Variants in ANKRD53 observed in about 807,000 individuals in gnomAD.
ANKRD53 encodes the protein ankyrin repeat domain 53.
ANKRD53 carries 27 observed loss-of-function variants against 30.1 expected under a neutral mutation model. That is an observed-to-expected ratio of 0.90 (90% CI 0.66 to 1.24). ANKRD53 has a LOEUF of 1.24. Ranked by LOEUF, ANKRD53 falls within the 50% of genes most tolerant of loss-of-function variation. ANKRD53 has a pLI of 0.00. For missense variants in ANKRD53, 682 were observed against 721.0 expected (o/e 0.95, Z 0.62); for synonymous variants, 286 against 295.4 (o/e 0.97, Z 0.33).
chr2:70,979,910 C>T, intron 3 of ANKRD53, 50 bp downstream of exon 3: 1 of 1,605,972 alleles, frequency 6.2e-7, no homozygotes, highest in Non-Finnish European at 8.5e-7. Flanking sequence ...GGCACGGGCA[C>T]AGCCCTACTT....
chr2:70,985,012 G>T lies in ANKRD53; in HGVS notation c.1305G>T (p.Arg435=). 1 of 1,549,020 alleles carries T rather than the reference G, an allele frequency of 6.5e-7. No individual in the cohort carries two copies. Among genetic ancestry groups the T allele is most frequent in the South Asian group, 1.2e-5 (1 of 83,960 alleles). ...GGCCTGATGGGCACGGCGGTGCGCG[G>T]CTGCACACAGTGGACGGCCACTGGG... ...EVRPDGHGGA[R]LHTVDGHWVA... is the part of the protein sequence containing the mutation. The change falls in exon 6 of 6, where the codon CGG becomes CGT. Residue 435 remains arginine, a synonymous_variant. Transcript: ENST00000360589.
At chr2:70,980,748 A>G (rs1264746937) in intron 3 of ANKRD53, among the ~76,000 whole-genome samples, 1 of 152,118 alleles carries the variant, frequency 6.6e-6, no homozygotes, top group African/African-American at 2.4e-5. Context: ...GATCAAGAAC[A>G]TCCTGGCTAA....
In ANKRD53 at chr2:70,979,648, C is replaced by G; in HGVS notation, c.418-13C>G. ...CCCACTCAGCCTCCTCCTGCCTGCT[C>G]TGAACCTCACAGGGCTTCACTGCCA... is the stretch of plus-strand genomic sequence containing the variant. On this transcript the variant is annotated splice_polypyrimidine_tract_variant and intron_variant, in intron 2 of 5. Transcript: ENST00000360589. The G allele has an allele frequency of 6.2e-7, 1 of 1,611,358 alleles. No individual in the cohort carries two copies. Among genetic ancestry groups the G allele is most frequent in the Non-Finnish European group, 8.5e-7 (1 of 1,178,734 alleles).
rs782234493 is a variant in ANKRD53 at position 70,979,762 on chromosome 2, T to C, written c.519T>C (p.Asn173=). The C allele has an allele frequency of 1.9e-6, 3 of 1,614,130 alleles. No homozygotes were observed. The highest frequency in any genetic ancestry group is 2.5e-6 in the Non-Finnish European group (3 of 1,180,026). The part of the protein sequence containing the change: ...YKFPVDLLTN[N]SQTPLHLVIH... Reference sequence around the variant, plus strand: ...TTCCCGTGGACCTGCTGACCAACAATAGCCAGACACCCCTGCACCTCGTCA... The same window carrying C: ...TTCCCGTGGACCTGCTGACCAACAACAGCCAGACACCCCTGCACCTCGTCA... Residue 173 remains asparagine (N), a synonymous_variant, in exon 3 of 6, where the codon AAT becomes AAC. Transcript: ENST00000360589.
At position 70,984,976 on chromosome 2, in the gene ANKRD53, C is replaced by T. The variant is rs1010860983; in HGVS notation, c.1269C>T (p.Phe423=). ...DPTPEHDFSS[F]LEVRPDGHGG... ...CTCCGGAGCACGACTTCAGCAGCTT[C>T]CTGGAGGTGAGGCCTGATGGGCACG... is the stretch of plus-strand genomic sequence containing the variant. Residue 423 remains phenylalanine (F), a synonymous_variant, in exon 6 of 6, where the codon TTC becomes TTT. Transcript: ENST00000360589. The T allele has an allele frequency of 4.5e-6, 7 of 1,550,052 alleles. No individual in the cohort carries two copies. The highest frequency in any genetic ancestry group is 3.3e-4 in the Middle Eastern group (2 of 5,990).
Position 70,978,961 on chromosome 2 carries a change from C to G in ANKRD53, c.171-136C>G, listed in dbSNP as rs1669911204. 2 of 1,441,154 alleles carry G rather than the reference C, an allele frequency of 1.4e-6. No homozygotes were observed. Among genetic ancestry groups the G allele is most frequent in the East Asian group, 2.6e-5 (1 of 39,106 alleles). 89.3% of individuals were successfully genotyped at this position (1,441,154 alleles called of 1,614,324 possible). On this transcript the variant is annotated intron_variant, in intron 1 of 5. Transcript: ENST00000360589. The surrounding 1 kb of genome is among the most constrained non-coding windows in gnomAD (Gnocchi z 4.3). Reference sequence around the variant, plus strand: ...CAGGCTGGGGCCAGGGATCGCCTCCCGAGAGGTGCCTAGGCCGTGGCCCAG... The same window carrying G: ...CAGGCTGGGGCCAGGGATCGCCTCCGGAGAGGTGCCTAGGCCGTGGCCCAG...
intron 2 of ANKRD53, 48 bp downstream of exon 2, chr2:70,979,391 C>G (rs1217834187): frequency 1.2e-6 from 2 of 1,609,112 alleles, no homozygotes; most frequent in South Asian, 1.1e-5. Context: ...TCTCCCGCTA[C>G]GCTGCTCGGA....
chr2:70,981,810 G>A, intron 3 of ANKRD53, 126 bp from the exon 4 acceptor site: 1 of 1,058,978 alleles, frequency 9.4e-7, no homozygotes, highest in Non-Finnish European at 1.3e-6. Flanking sequence ...GACAGACATA[G>A]CTAGGATCAC....
At chr2:70,984,309 CA>C (rs1237220768) in intron 5 of ANKRD53, 6 of 1,613,350 alleles carry the variant, frequency 3.7e-6, no homozygotes, top group Non-Finnish European at 5.1e-6. Context: ...GTTGGAGTCT[CA>C]CCTAGGGCAG....
In ANKRD53 at chr2:70,982,702, GGGGGACAGCAGGGGGGCCA is replaced by G. The variant is rs782456805; in HGVS notation, c.903+15_903+33del. 31 of 1,613,632 alleles carry G rather than the reference GGGGGACAGCAGGGGGGCCA, an allele frequency of 1.9e-5. No homozygotes were observed. In the African/African-American group the frequency reaches 3.3e-4, roughly 17 times the overall value. ...AACTACCTGATTGAGTATCAAGTAA[GGGGGACAGCAGGGGGGCCA>G]GGGGACAGCTGCTATCCAGGCATGT... On this transcript the variant is annotated splice_donor_region_variant and intron_variant, in intron 5 of 5. Transcript: ENST00000360589. This position sits in a 1 kb window ranked among gnomAD's most constrained non-coding sequence, Gnocchi z 4.2.
intron 3 of ANKRD53, among the ~76,000 whole-genome samples, 165 bp from the exon 4 acceptor site, chr2:70,981,771 A>G (rs1232795905): frequency 6.6e-6 from 1 of 152,156 alleles, no homozygotes; most frequent in African/African-American, 2.4e-5. Context: ...TCCTCCCTTT[A>G]CAGTAAAGGA....
intron 3 of ANKRD53, among the ~76,000 whole-genome samples, chr2:70,980,358 T>C (rs1553423394): frequency 6.8e-6 from 1 of 148,116 alleles, no homozygotes. Context: ...TTAACAGACC[T>C]AGTCTACATC....
In ANKRD53 at chr2:70,982,193, G is replaced by A; in HGVS notation, c.782+93G>A. The A allele has an allele frequency of 7.0e-7, 1 of 1,418,790 alleles. No individual in the cohort carries two copies. Among genetic ancestry groups the A allele is most frequent in the South Asian group, 1.5e-5 (1 of 68,738 alleles). 87.9% of individuals were successfully genotyped at this position (1,418,790 alleles called of 1,614,324 possible). ...CCTCACCACAGCTGAGCCTTTAAGGGGAGGGTTGGGAAGCCAGACAGCTGG... is the reference window on the plus strand; with the variant it reads ...CCTCACCACAGCTGAGCCTTTAAGGAGAGGGTTGGGAAGCCAGACAGCTGG... On this transcript the variant is annotated intron_variant, in intron 4 of 5. Transcript: ENST00000360589. This position sits in a 1 kb window ranked among gnomAD's most constrained non-coding sequence, Gnocchi z 4.2.
At position 70,979,139 on chromosome 2, in the gene ANKRD53, G is replaced by T. The variant is rs782182085; in HGVS notation, c.213G>T (p.Ala71=). 3 of 1,608,040 alleles carry T rather than the reference G, an allele frequency of 1.9e-6. No homozygotes were observed. Among genetic ancestry groups the T allele is most frequent in the Middle Eastern group, 1.7e-4 (1 of 6,014 alleles). The change falls in exon 2 of 6, where the codon GCG becomes GCT. Residue 71 remains alanine, a synonymous_variant. Transcript: ENST00000360589. ...PDLADHLSAQ[A]TALARPRRPA... Reference sequence around the variant, plus strand: ...TCGCAGACCACCTCAGTGCGCAGGCGACTGCCCTCGCCAGGCCGCGCCGCC... The same window carrying T: ...TCGCAGACCACCTCAGTGCGCAGGCTACTGCCCTCGCCAGGCCGCGCCGCC...
chr2:70,984,565 A>G (rs568893030), intron 5 of ANKRD53, 46 bp from the exon 6 acceptor site: 1 of 1,589,306 alleles, frequency 6.3e-7, no homozygotes, highest in South Asian at 1.1e-5. Flanking sequence ...CCAGAAGCAG[A>G]GGGCAGCAGT....
rs781928428 is a variant in ANKRD53, at chr2:70,981,887, CTT to C, written c.618-47_618-46del. 9 of 1,493,842 alleles carry C rather than the reference CTT, an allele frequency of 6.0e-6. No homozygotes were observed. In the African/African-American group the frequency reaches 8.5e-5, roughly 14 times the overall value. The allele number at this position is 1,493,842 out of a possible 1,614,324, so 92.5% of individuals were successfully genotyped here. ...TCCATCTATCTGATGGACAGATGCTCTTTGTCTTTCCTTTCTGCCCTTATCCC... is the reference window on the plus strand; with the variant it reads ...TCCATCTATCTGATGGACAGATGCTCTGTCTTTCCTTTCTGCCCTTATCCC... On this transcript the variant is annotated intron_variant, in intron 3 of 5. Transcript: ENST00000360589.
Position 70,985,012 on chromosome 2 carries a change from G to C in ANKRD53, c.1305G>C (p.Arg435=). ...GGCCTGATGGGCACGGCGGTGCGCG[G>C]CTGCACACAGTGGACGGCCACTGGG... ...EVRPDGHGGA[R]LHTVDGHWVA... is the part of the protein sequence containing the mutation. The change falls in exon 6 of 6, where the codon CGG becomes CGC. Residue 435 remains arginine (R), a synonymous_variant. Transcript: ENST00000360589. 6.5e-7 allele frequency: 1 copy of C among 1,549,020 alleles called. No homozygotes were observed.
In ANKRD53 at chr2:70,980,311, G is replaced by A. The variant is rs779168731; in HGVS notation, c.617+451G>A. On this transcript the variant is annotated intron_variant, in intron 3 of 5. Coordinates refer to ENST00000360589, the MANE Select transcript of ANKRD53 (RefSeq NM_001115116.2). ...GCCCGGGCAACAAGAGCGAGACTCC[G>A]TCTCAACAAAAAAAAAAAAAAAAAA... 2.9e-3 allele frequency among the ~76,000 whole-genome samples: 346 copies of A among 119,214 alleles called. 1 individual carries two copies. The highest frequency in any genetic ancestry group is 4.8e-3 in the Non-Finnish European group (294 of 61,352). 78.2% of individuals were successfully genotyped at this position (119,214 alleles called of 152,430 possible).
chr2:70,978,718 G>A lies in ANKRD53; in HGVS notation c.73G>A (p.Gly25Ser). Residue 25 changes from glycine (G) to serine (S), a missense_variant, in exon 1 of 6, where the codon GGT (glycine) becomes AGT (serine). Gly to Ser is a moderately conservative substitution (Grantham distance 56). Coordinates refer to ENST00000360589, the MANE Select transcript of ANKRD53 (RefSeq NM_001115116.2). This position sits in a 1 kb window ranked among gnomAD's most constrained non-coding sequence, Gnocchi z 4.3. ...SWHSERGEGR[G>S]ARPQPTPSGS... The stretch of plus-strand genomic sequence containing the variant: ...GCACTCAGAAAGGGGAGAAGGGAGA[G>A]GTGCTCGGCCGCAGCCAACTCCAAG... The A allele has an allele frequency of 1.9e-6, 3 of 1,551,178 alleles. No homozygotes were observed. Among genetic ancestry groups the A allele is most frequent in the Non-Finnish European group, 2.6e-6 (3 of 1,147,514 alleles).
Sources: allele counts gnomAD v4.1 joint callset (sites outside exome capture counted in the v4.1 genomes callset), GRCh38; gene constraint gnomAD v4.1.1; non-coding constraint Gnocchi (gnomAD v3.1); transcripts MANE v1.5; gene names NCBI Gene and HGNC (gene_info 2026-07-23, HGNC 2026-07-21).